NHERF2: variants seen among roughly 807,000 people sequenced by gnomAD.
The protein encoded by NHERF2 is Na(+)/H(+) exchange regulatory cofactor NHE-RF2.
the NHERF2 span, chr16:2,037,004 A>G: frequency 4.5e-6 from 7 of 1,549,582 alleles, no homozygotes; most frequent in African/African-American, 8.2e-5. Flanking sequence ...CCCAGGTAAG[A>G]GGGTGGGGTG....
At chr16:2,033,454 G>GGA in the NHERF2 span, 3 of 1,500,572 alleles carry the variant, frequency 2.0e-6, no homozygotes, top group African/African-American at 4.2e-5. Flanking sequence ...TGGGAGGAAG[G>GGA]GAGGGCTAGG....
At chr16:2,035,649 C>G in the NHERF2 span, 70 of 985,860 alleles carry the variant, frequency 7.1e-5, no homozygotes, top group African/African-American at 1.2e-3. Context: ...CCTGGCCTTG[C>G]CTGCATGGTC....
chr16:2,038,469 C>T, the NHERF2 span: 1 of 369,050 alleles, frequency 2.7e-6, no homozygotes, highest in South Asian at 1.9e-5. Flanking sequence ...ATAAAACAAA[C>T]CTTTCTCTGC....
the NHERF2 span, among the ~76,000 whole-genome samples, chr16:2,034,041 C>T: frequency 2.0e-5 from 3 of 152,136 alleles, no homozygotes; most frequent in Non-Finnish European, 2.9e-5. Flanking sequence ...ACTGAGGGGT[C>T]CTTGGCCTGG....
At chr16:2,038,152 C>T in the NHERF2 span, 1 of 779,204 alleles carries the variant, frequency 1.3e-6, no homozygotes, top group Non-Finnish European at 2.0e-6. Flanking sequence ...CCACCAGGTA[C>T]TGGGGGCCTG....
At chr16:2,036,388 G>T in the NHERF2 span, 2 of 1,610,386 alleles carry the variant, frequency 1.2e-6, no homozygotes, top group Non-Finnish European at 1.7e-6. Context: ...GGACCTCAGG[G>T]CTATGGGTTC....
chr16:2,038,163 T>G, the NHERF2 span: 1 of 692,538 alleles, frequency 1.4e-6, no homozygotes, highest in Non-Finnish European at 2.4e-6. Flanking sequence ...TGGGGGCCTG[T>G]GGCAGCAAGA....
At chr16:2,037,997 C>T in the NHERF2 span, 1 of 1,613,284 alleles carries the variant, frequency 6.2e-7, no homozygotes, top group Non-Finnish European at 8.5e-7. Flanking sequence ...CCCTTCCTGC[C>T]TGTCTCGGGA....
chr16:2,033,036 T>C, the NHERF2 span: 1 of 1,255,484 alleles, frequency 8.0e-7, no homozygotes, highest in Non-Finnish European at 1.0e-6. Flanking sequence ...CGTCCTGTGT[T>C]CTGGGGCCGG....
At chr16:2,035,599 G>C in the NHERF2 span, 1 of 986,644 alleles carries the variant, frequency 1.0e-6, no homozygotes, top group African/African-American at 1.7e-5. Flanking sequence ...CACCGCCGCC[G>C]CACCCTGGCC....
the NHERF2 span, chr16:2,035,787 C>T: frequency 1.4e-6 from 1 of 694,606 alleles, no homozygotes; most frequent in Non-Finnish European, 1.8e-6. Context: ...CCTGCCCCAG[C>T]CCCTGCTTGC....
At chr16:2,033,595 G>A in the NHERF2 span, among the ~76,000 whole-genome samples, 4 of 152,206 alleles carry the variant, frequency 2.6e-5, no homozygotes, top group Admixed American at 2.6e-4. Flanking sequence ...ATCTGGGGGG[G>A]TGCCCAGGGT....
At chr16:2,033,042 GC>G in the NHERF2 span, 2 of 1,267,518 alleles carry the variant, frequency 1.6e-6, no homozygotes, top group South Asian at 1.6e-5. Context: ...GTGTTCTGGG[GC>G]CGGGACTCCT....
chr16:2,034,712 C>T, the NHERF2 span, among the ~76,000 whole-genome samples: 1 of 96,862 alleles, frequency 1.0e-5, no homozygotes, highest in Admixed American at 9.4e-5. Flanking sequence ...CGTGCTCCAC[C>T]TCCCCTCCCG....
At chr16:2,036,377 G>C in the NHERF2 span, 2 of 1,610,604 alleles carry the variant, frequency 1.2e-6, no homozygotes, top group Non-Finnish European at 8.5e-7. Context: ...ACCTGCGAAA[G>C]GGACCTCAGG....
the NHERF2 span, chr16:2,029,494 C>T: frequency 9.3e-5 from 120 of 1,289,704 alleles, no homozygotes; most frequent in Admixed American, 8.6e-4. Flanking sequence ...CCTGTCCGCA[C>T]GCCTGGGCCA....
the NHERF2 span, chr16:2,035,585 T>C: frequency 1.0e-6 from 1 of 987,184 alleles, no homozygotes; most frequent in Non-Finnish European, 1.2e-6. Context: ...GGGCAGCCGC[T>C]GGCCACCGCC....
the NHERF2 span, chr16:2,026,954 C>T: frequency 1.7e-5 from 14 of 801,580 alleles, no homozygotes; most frequent in South Asian, 5.4e-5. Context: ...CGCCGCCGCC[C>T]CCGAGCTCCC....
the NHERF2 span, among the ~76,000 whole-genome samples, chr16:2,037,352 G>A: frequency 6.6e-6 from 1 of 152,158 alleles, no homozygotes; most frequent in South Asian, 2.1e-4. Flanking sequence ...GAGCCGGCCA[G>A]GCCACCTGCC....
Sources: allele counts gnomAD v4.1 joint callset (sites outside exome capture counted in the v4.1 genomes callset), GRCh38; gene constraint gnomAD v4.1.1; transcripts MANE v1.5; gene names NCBI Gene and HGNC (gene_info 2026-07-23, HGNC 2026-07-21).